The following ADCY5 variants were observed in gnomAD, a reference collection of about 807,000 sequenced individuals.
ADCY5 encodes adenylate cyclase 5.
A neutral mutation model predicts 119.7 loss-of-function variants in ADCY5; 30 were observed. The observed-to-expected ratio is 0.25, with a 90% CI of 0.19 to 0.34. ADCY5 has a LOEUF of 0.34. ADCY5 is among the 10% of genes least tolerant of loss of function. The pLI is 1.00. For missense variants in ADCY5, 1,324 were observed against 1,775.2 expected (o/e 0.75, Z 4.57); for synonymous variants, 753 against 762.2 (o/e 0.99, Z 0.20).
At chr3:123,317,750 CAAAA>C (rs71142731) in intron 11 of ADCY5, among the ~76,000 whole-genome samples, 5 of 133,592 alleles carry the variant, frequency 3.7e-5, no homozygotes, top group Admixed American at 7.5e-5. Context: ...CACGCCGACC[CAAAA>C]AAAAAAAAAA....
chr3:123,360,875 T>A (rs940241246), intron 1 of ADCY5, among the ~76,000 whole-genome samples: 1 of 152,256 alleles, frequency 6.6e-6, no homozygotes, highest in East Asian at 1.9e-4. Flanking sequence ...ATCAAATCCC[T>A]GTAAGATAAG....
chr3:123,317,024 C>T (rs563424828), intron 11 of ADCY5, among the ~76,000 whole-genome samples: 13 of 111,956 alleles, frequency 1.2e-4, no homozygotes, highest in South Asian at 2.9e-4. Context: ...TATACATATA[C>T]GTATATGTAT....
At chr3:123,331,834 C>T (rs574892168) in intron 4 of ADCY5, among the ~76,000 whole-genome samples, 6 of 152,274 alleles carry the variant, frequency 3.9e-5, no homozygotes, top group South Asian at 4.1e-4. Flanking sequence ...TAAGTATATG[C>T]GCTCCACCAT....
At chr3:123,334,857 GC>G (rs1336553445) in intron 3 of ADCY5, among the ~76,000 whole-genome samples, 15 of 152,190 alleles carry the variant, frequency 9.9e-5, no homozygotes, top group Admixed American at 5.9e-4. Flanking sequence ...GGTTGATTGG[GC>G]TAATCAGCAA....
chr3:123,314,447 G>A, intron 11 of ADCY5, 125 bp from the exon 12 acceptor site: 1 of 704,594 alleles, frequency 1.4e-6, no homozygotes. Context: ...CAGAGGGCCT[G>A]GGCTCTGAAA....
chr3:123,419,741 C>T (rs566202360), intron 1 of ADCY5, among the ~76,000 whole-genome samples: 10 of 152,200 alleles, frequency 6.6e-5, no homozygotes, highest in South Asian at 4.2e-4. Context: ...GCTCTTGCTG[C>T]GCGGCCCCTC....
At chr3:123,362,928 G>C (rs1324018581) in intron 1 of ADCY5, among the ~76,000 whole-genome samples, 2 of 152,108 alleles carry the variant, frequency 1.3e-5, no homozygotes, top group South Asian at 2.1e-4. Context: ...TGGATCATGA[G>C]ATCAGGAGTT....
intron 2 of ADCY5, among the ~76,000 whole-genome samples, chr3:123,351,900 A>C (rs1313535631): frequency 6.6e-6 from 1 of 152,194 alleles, no homozygotes; most frequent in Non-Finnish European, 1.5e-5. Context: ...CGGTCTAGGA[A>C]GAGATGGGAC....
chr3:123,297,469 T>A, intron 15 of ADCY5, 87 bp from the exon 16 acceptor site: 1 of 1,422,320 alleles, frequency 7.0e-7, no homozygotes, highest in Non-Finnish European at 9.9e-7. Context: ...CGCCCTGCTC[T>A]GCTGTCCCCA....
At chr3:123,393,704 T>G (rs1264851727) in intron 1 of ADCY5, among the ~76,000 whole-genome samples, 1 of 152,166 alleles carries the variant, frequency 6.6e-6, no homozygotes, top group Non-Finnish European at 1.5e-5. Flanking sequence ...ATCCTTGTTA[T>G]GAACTCAGGC....
chr3:123,314,292 G>A lies in ADCY5; in HGVS notation c.2385C>T (p.Thr795=), dbSNP rs372289729. The stretch of plus-strand genomic sequence containing the variant: ...CCACCAAGGTCAGCAGCAGGGAACA[G>A]GTCAGGTAGAAGCTGAGCATGAATA... ...HSIFMLSFYL[T]CSLLLTLVVF... The change falls in exon 12 of 21, where the codon ACC becomes ACT. Residue 795 remains threonine (T), a synonymous_variant. Transcript: ENST00000462833. 1 of 1,613,782 alleles carries A rather than the reference G, an allele frequency of 6.2e-7. No homozygotes were observed. Among genetic ancestry groups the A allele is most frequent in the East Asian group, 2.2e-5 (1 of 44,878 alleles).
intron 9 of ADCY5, 80 bp from the exon 10 acceptor site, chr3:123,319,898 C>G: frequency 6.4e-7 from 1 of 1,557,424 alleles, no homozygotes; most frequent in Non-Finnish European, 8.7e-7. Context: ...GACCATCCCC[C>G]CAGACTCTCG....
chr3:123,403,966 C>T (rs769056229), intron 1 of ADCY5, among the ~76,000 whole-genome samples: 16 of 152,210 alleles, frequency 1.1e-4, no homozygotes, highest in African/African-American at 3.9e-4. Context: ...ATTCTGACTA[C>T]AGCCAGCTAC....
At chr3:123,417,584 G>T (rs992725714) in intron 1 of ADCY5, among the ~76,000 whole-genome samples, 1 of 152,214 alleles carries the variant, frequency 6.6e-6, no homozygotes. Context: ...GTCACTCCTG[G>T]CATTGAAGTG....
chr3:123,308,028 CTTTT>C (rs1178147327), intron 12 of ADCY5, among the ~76,000 whole-genome samples: 1 of 85,656 alleles, frequency 1.2e-5, no homozygotes, highest in Admixed American at 1.7e-4. Flanking sequence ...TTTTCATGCT[CTTTT>C]TTTTTTTTTT....
chr3:123,386,752 A>G (rs1026190768), intron 1 of ADCY5, among the ~76,000 whole-genome samples: 1 of 152,152 alleles, frequency 6.6e-6, no homozygotes, highest in African/African-American at 2.4e-5. Flanking sequence ...CAGGCTGCAG[A>G]AACTTTCTTC....
chr3:123,361,560 C>T (rs1180416771), intron 1 of ADCY5, among the ~76,000 whole-genome samples: 1 of 144,516 alleles, frequency 6.9e-6, no homozygotes, highest in African/African-American at 2.5e-5. Flanking sequence ...CTGGACACTT[C>T]ATATAAATGG....
chr3:123,402,276 C>T (rs974100160), intron 1 of ADCY5, among the ~76,000 whole-genome samples: 3 of 152,206 alleles, frequency 2.0e-5, no homozygotes, highest in Non-Finnish European at 4.4e-5. Context: ...AGGTTGATGG[C>T]AAGGAGGAAA....
chr3:123,383,303 G>A (rs557338004), intron 1 of ADCY5, among the ~76,000 whole-genome samples: 1 of 152,314 alleles, frequency 6.6e-6, no homozygotes, highest in Non-Finnish European at 1.5e-5. Flanking sequence ...GAGGGAGGAG[G>A]CATCATTCCC....
Sources: gnomAD v4.1 joint callset for allele counts (sites outside exome capture counted in the v4.1 genomes callset) on GRCh38, gnomAD v4.1.1 for gene constraint, MANE v1.5 for transcripts, NCBI Gene and HGNC (gene_info 2026-07-23, HGNC 2026-07-21) for gene names.